SNX30: variants seen among roughly 807,000 people sequenced by gnomAD.
The protein encoded by SNX30 is sorting nexin family member 30.
Under a neutral mutation model 46.4 loss-of-function variants are expected in SNX30, and 24 were observed. The ratio of observed to expected loss-of-function variants is 0.52; its 90% CI spans 0.37 to 0.73. The LOEUF (loss-of-function observed/expected upper bound fraction) is 0.73. Among genes scored for constraint, SNX30 ranks in the 30% least tolerant of loss-of-function variants. SNX30 has a pLI of 0.00. For synonymous variants in SNX30, 189 were observed against 211.5 expected (o/e 0.89, Z 0.92); for missense variants, 533 against 555.7 (o/e 0.96, Z 0.41).
At chr9:112,826,974 G>C (rs1023979687) in intron 3 of SNX30, among the ~76,000 whole-genome samples, 1 of 152,152 alleles carries the variant, frequency 6.6e-6, no homozygotes, top group Admixed American at 6.5e-5. Context: ...GGTGTCACAC[G>C]TGGACATGTT....
intron 3 of SNX30, among the ~76,000 whole-genome samples, chr9:112,820,378 G>T (rs1422946309): frequency 1.3e-5 from 2 of 152,164 alleles, no homozygotes; most frequent in Admixed American, 6.5e-5. Context: ...TTGCTAGGAG[G>T]TGTCTGTCTG....
chr9:112,857,155 G>C (rs1283739054), intron 7 of SNX30, among the ~76,000 whole-genome samples: 1 of 152,180 alleles, frequency 6.6e-6, no homozygotes, highest in Non-Finnish European at 1.5e-5. Flanking sequence ...GTGTCATTGC[G>C]CAGGCAAGCT....
At chr9:112,849,656 G>A (rs1840993720) in intron 6 of SNX30, among the ~76,000 whole-genome samples, 1 of 152,146 alleles carries the variant, frequency 6.6e-6, no homozygotes, top group Non-Finnish European at 1.5e-5. Flanking sequence ...GAAGACTTGA[G>A]GTTTCCGGTA....
At chr9:112,815,449 C>T (rs1840382113) in intron 2 of SNX30, among the ~76,000 whole-genome samples, 2 of 151,954 alleles carry the variant, frequency 1.3e-5, no homozygotes, top group Admixed American at 6.6e-5. Context: ...CAGCCTCCCC[C>T]TCTGGGGTTC....
intron 1 of SNX30, among the ~76,000 whole-genome samples, chr9:112,785,035 A>G (rs1839900308): frequency 6.6e-6 from 1 of 152,156 alleles, no homozygotes; most frequent in Admixed American, 6.5e-5. Flanking sequence ...GTATAGCACC[A>G]TGTTAATTAG....
chr9:112,839,365 G>C (rs1323658853), intron 6 of SNX30, among the ~76,000 whole-genome samples: 1 of 152,234 alleles, frequency 6.6e-6, no homozygotes, highest in Non-Finnish European at 1.5e-5. Context: ...GAACAAAAGT[G>C]ATACGAATTT....
intron 1 of SNX30, among the ~76,000 whole-genome samples, chr9:112,796,765 G>A (rs745997072): frequency 6.6e-6 from 1 of 152,152 alleles, no homozygotes; most frequent in Non-Finnish European, 1.5e-5. Context: ...CCCCCAAGTT[G>A]GGTGACATTG....
intron 1 of SNX30, among the ~76,000 whole-genome samples, chr9:112,775,771 T>C (rs1289189975): frequency 6.7e-6 from 1 of 149,994 alleles, no homozygotes; most frequent in Non-Finnish European, 1.5e-5. Context: ...TAAAAATGCC[T>C]ATGTGTAGTC....
chr9:112,884,808 T>C (rs1181468217), downstream of SNX30, among the ~76,000 whole-genome samples: 1 of 152,214 alleles, frequency 6.6e-6, no homozygotes, highest in Non-Finnish European at 1.5e-5. Flanking sequence ...TAAGACTCCT[T>C]TCCTTTTGTT....
chr9:112,848,790 C>A (rs1054563469), intron 6 of SNX30, among the ~76,000 whole-genome samples: 1 of 152,234 alleles, frequency 6.6e-6, no homozygotes, highest in Middle Eastern at 3.2e-3. Context: ...ATGGCTGGAT[C>A]TGCAGGCCCC....
chr9:112,853,967 T>C (rs940706719), intron 7 of SNX30, among the ~76,000 whole-genome samples: 1 of 152,258 alleles, frequency 6.6e-6, no homozygotes, highest in African/African-American at 2.4e-5. Flanking sequence ...AACCAACAAG[T>C]TCTGCCACTG....
At chr9:112,753,861 C>T (rs1457635247) in intron 1 of SNX30, among the ~76,000 whole-genome samples, 2 of 152,220 alleles carry the variant, frequency 1.3e-5, no homozygotes, top group Non-Finnish European at 2.9e-5. Context: ...GGTCTCATAA[C>T]TCTGAAGAAA....
At chr9:112,846,766 A>G (rs1256440340) in intron 6 of SNX30, among the ~76,000 whole-genome samples, 1 of 152,102 alleles carries the variant, frequency 6.6e-6, no homozygotes. Context: ...CCAGCCCTGC[A>G]TCCTAGCTCC....
chr9:112,817,930 A>G (rs1287572842), intron 3 of SNX30, 115 bp downstream of exon 3: 4 of 705,526 alleles, frequency 5.7e-6, no homozygotes, highest in Non-Finnish European at 7.7e-6. Context: ...AAACATATAT[A>G]AAACATGTTA....
chr9:112,834,761 C>G (rs1840720626), intron 4 of SNX30, among the ~76,000 whole-genome samples: 1 of 151,742 alleles, frequency 6.6e-6, no homozygotes, highest in African/African-American at 2.4e-5. Flanking sequence ...GCTTAACACA[C>G]CCAACATTAT....
chr9:112,768,352 C>T (rs1440593734), intron 1 of SNX30, among the ~76,000 whole-genome samples: 3 of 152,216 alleles, frequency 2.0e-5, no homozygotes, highest in Non-Finnish European at 4.4e-5. Context: ...AGGTGAGTGG[C>T]ATTGACATCA....
intron 8 of SNX30, among the ~76,000 whole-genome samples, 187 bp from the exon 9 acceptor site, chr9:112,868,597 G>C (rs1307864665): frequency 6.6e-6 from 1 of 152,176 alleles, no homozygotes; most frequent in African/African-American, 2.4e-5. Flanking sequence ...TAAAGATGGG[G>C]TGACGCATTC....
At chr9:112,761,077 T>G (rs1839426858) in intron 1 of SNX30, among the ~76,000 whole-genome samples, 1 of 152,186 alleles carries the variant, frequency 6.6e-6, no homozygotes, top group South Asian at 2.1e-4. Flanking sequence ...GTCAGGAGGT[T>G]AATGAGACTG....
At chr9:112,862,364 A>G (rs1238975826) in intron 7 of SNX30, among the ~76,000 whole-genome samples, 1 of 152,064 alleles carries the variant, frequency 6.6e-6, no homozygotes, top group African/African-American at 2.4e-5. Context: ...CCTCACCCCA[A>G]TGCAAGTGTG....
Sources: allele counts gnomAD v4.1 joint callset (sites outside exome capture counted in the v4.1 genomes callset), GRCh38; gene constraint gnomAD v4.1.1; transcripts MANE v1.5; gene names NCBI Gene and HGNC (gene_info 2026-07-23, HGNC 2026-07-21).